Variants in RGS7BP observed in about 807,000 individuals in gnomAD.
RGS7BP encodes the protein regulator of G protein signaling 7 binding protein.
A neutral mutation model predicts 31.3 loss-of-function variants in RGS7BP; 9 were observed. The ratio of observed to expected loss-of-function variants is 0.29; its 90% CI spans 0.17 to 0.50. RGS7BP has a LOEUF of 0.50. Among genes scored for constraint, RGS7BP ranks in the 20% least tolerant of loss-of-function variants. The pLI is 0.98. For synonymous variants in RGS7BP, 115 were observed against 120.1 expected, an observed-to-expected ratio of 0.96 and a Z score of 0.28; for missense variants, 274 against 322.0, an observed-to-expected ratio of 0.85 and a Z score of 1.14.
intron 2 of RGS7BP, among the ~76,000 whole-genome samples, chr5:64,552,899 C>A (rs1349116763): frequency 3.9e-5 from 6 of 152,098 alleles, no homozygotes; most frequent in Non-Finnish European, 8.8e-5. Flanking sequence ...AATTTGAAAT[C>A]AGGATGTTTT....
intron 5 of RGS7BP, among the ~76,000 whole-genome samples, chr5:64,602,968 A>T (rs1214029559): frequency 1.3e-5 from 2 of 152,198 alleles, no homozygotes; most frequent in African/African-American, 4.8e-5. Context: ...GTGAAGGCAT[A>T]TGGGGAGATG....
At chr5:64,537,896 G>A (rs1419510514) in intron 2 of RGS7BP, among the ~76,000 whole-genome samples, 1 of 152,180 alleles carries the variant, frequency 6.6e-6, no homozygotes, top group African/African-American at 2.4e-5. Flanking sequence ...CTAAAAATCT[G>A]CAGGCAGCCA....
intron 2 of RGS7BP, among the ~76,000 whole-genome samples, chr5:64,542,578 G>C (rs1741552677): frequency 6.6e-6 from 1 of 152,148 alleles, no homozygotes; most frequent in Non-Finnish European, 1.5e-5. Context: ...CTTTCCACTA[G>C]TTTAAAAGCC....
chr5:64,506,707 T>G lies in RGS7BP; in HGVS notation c.83T>G (p.Leu28Arg), dbSNP rs1171425777. Residue 28 changes from leucine to arginine, a missense_variant, in exon 1 of 6, where the codon CTG becomes CGG. Leu to Arg is a moderately radical substitution (Grantham distance 102). Coordinates refer to ENST00000334025, the MANE Select transcript of RGS7BP (RefSeq NM_001029875.3). This position sits in a 1 kb window ranked among gnomAD's most constrained non-coding sequence, Gnocchi z 4.6. Reference protein sequence around the residue: ...SSIFQISKPPLQSGDWERRGS... With the variant: ...SSIFQISKPPRQSGDWERRGS... ...ATCTTCCAGATCAGCAAGCCCCCGC[T>G]GCAGAGCGGAGATTGGGAGCGCAGG... 6.2e-7 allele frequency: 1 copy of G among 1,613,244 alleles called. No homozygotes were observed. The highest frequency in any genetic ancestry group is 8.5e-7 in the Non-Finnish European group (1 of 1,179,408).
At chr5:64,569,727 G>A (rs184300483) in intron 2 of RGS7BP, among the ~76,000 whole-genome samples, 1 of 152,148 alleles carries the variant, frequency 6.6e-6, no homozygotes, top group Non-Finnish European at 1.5e-5. Flanking sequence ...CTGAATTAGG[G>A]TGTATCCTTG....
At chr5:64,544,809 G>A (rs573322582) in intron 2 of RGS7BP, among the ~76,000 whole-genome samples, 18 of 152,302 alleles carry the variant, frequency 1.2e-4, no homozygotes, top group South Asian at 1.0e-3. Flanking sequence ...ATCTAAGGCC[G>A]TAGTAATCAA....
chr5:64,576,194 G>T (rs945758913), intron 3 of RGS7BP, among the ~76,000 whole-genome samples: 1 of 152,192 alleles, frequency 6.6e-6, no homozygotes, highest in African/African-American at 2.4e-5. Flanking sequence ...AAACAGCAAG[G>T]TATGTAGTGA....
intron 5 of RGS7BP, among the ~76,000 whole-genome samples, chr5:64,600,073 C>T (rs1264792931): frequency 1.3e-5 from 2 of 152,256 alleles, no homozygotes; most frequent in South Asian, 4.2e-4. Flanking sequence ...TGCAACAGAC[C>T]ACGTGTAGTG....
chr5:64,583,938 C>T (rs1355206905), intron 3 of RGS7BP, among the ~76,000 whole-genome samples: 1 of 152,196 alleles, frequency 6.6e-6, no homozygotes, highest in Non-Finnish European at 1.5e-5. Flanking sequence ...GTACCTTCTA[C>T]TTGCCAGGTG....
intron 5 of RGS7BP, among the ~76,000 whole-genome samples, chr5:64,606,021 C>CATATAT (rs66605526): frequency 5.2e-5 from 6 of 115,266 alleles, no homozygotes; most frequent in African/African-American, 1.8e-4. Flanking sequence ...TATCTGGATA[C>CATATAT]ATATATATAT....
chr5:64,520,714 T>A (rs1749083848), intron 2 of RGS7BP, among the ~76,000 whole-genome samples: 1 of 152,180 alleles, frequency 6.6e-6, no homozygotes, highest in Non-Finnish European at 1.5e-5. Flanking sequence ...GTAGGACATG[T>A]TAGCAGGGGC....
At position 64,506,806 on chromosome 5, in the gene RGS7BP, CCT is replaced by C. The variant is rs1491175063; in HGVS notation, c.165+20_165+21del. 4 of 1,479,730 alleles carry C rather than the reference CCT, an allele frequency of 2.7e-6. No individual in the cohort carries two copies. The highest frequency in any genetic ancestry group is 2.3e-5 in the Admixed American group (1 of 43,864). 91.7% of individuals were successfully genotyped at this position (1,479,730 alleles called of 1,614,324 possible). A position where few individuals can be genotyped will look rare whatever the true frequency, so the allele number is the denominator to read the frequency against. On this transcript the variant is annotated intron_variant, in intron 1 of 5. Transcript: ENST00000334025. This position sits in a 1 kb window ranked among gnomAD's most constrained non-coding sequence, Gnocchi z 4.6. ...TGCAAGATGGTGGGTGAAAACTGCG[CCT>C]CTTTTTTTTTTTTTTTAATTGAGAG...
At chr5:64,583,474 G>C (rs1313548960) in intron 3 of RGS7BP, among the ~76,000 whole-genome samples, 1 of 152,100 alleles carries the variant, frequency 6.6e-6, no homozygotes, top group African/African-American at 2.4e-5. Context: ...AAGAGAGACA[G>C]ACAGAGCAGA....
chr5:64,546,015 G>A (rs72754870), intron 2 of RGS7BP, among the ~76,000 whole-genome samples: 30,826 of 151,998 alleles, frequency 0.2, 3,661 homozygotes, highest in South Asian at 0.33. Context: ...TTAGCCAGGC[G>A]TGGTGGTGTG....
At chr5:64,553,956 C>T (rs1243919016) in intron 2 of RGS7BP, among the ~76,000 whole-genome samples, 1 of 152,126 alleles carries the variant, frequency 6.6e-6, no homozygotes, top group East Asian at 1.9e-4. Context: ...AGTTCGTTGA[C>T]TCCATTAAAA....
At chr5:64,559,814 A>G (rs1395615692) in intron 2 of RGS7BP, among the ~76,000 whole-genome samples, 1 of 152,158 alleles carries the variant, frequency 6.6e-6, no homozygotes, top group Non-Finnish European at 1.5e-5. Context: ...ATTGACATAT[A>G]TGTGCATTTA....
chr5:64,570,929 A>G (rs974207803), intron 2 of RGS7BP, among the ~76,000 whole-genome samples: 1 of 152,092 alleles, frequency 6.6e-6, no homozygotes, highest in Non-Finnish European at 1.5e-5. Flanking sequence ...ACTTAGTTCA[A>G]TATTTGCTTT....
intron 2 of RGS7BP, among the ~76,000 whole-genome samples, chr5:64,538,220 A>T (rs1016603840): frequency 6.6e-6 from 1 of 152,120 alleles, no homozygotes; most frequent in African/African-American, 2.4e-5. Flanking sequence ...TAACTTACAC[A>T]CAATAAAATT....
chr5:64,538,518 C>CTTTTTTTTTTTTTTTTT (rs1741435781), intron 2 of RGS7BP, among the ~76,000 whole-genome samples: 1 of 60,572 alleles, frequency 1.7e-5, no homozygotes, highest in Non-Finnish European at 3.5e-5. Flanking sequence ...TTTTTTTTTC[C>CTTTTTTTTTTTTTTTTT]TTTTCTTTTC....
Sources: allele counts gnomAD v4.1 joint callset (sites outside exome capture counted in the v4.1 genomes callset), GRCh38; gene constraint gnomAD v4.1.1; non-coding constraint Gnocchi (gnomAD v3.1); transcripts MANE v1.5; gene names NCBI Gene and HGNC (gene_info 2026-07-23, HGNC 2026-07-21).